DSG1: variants seen among roughly 807,000 people sequenced by gnomAD.
DSG1 encodes the protein desmoglein 1.
In DSG1, 39 loss-of-function variants were observed where a neutral mutation model predicts 97.5. That is an observed-to-expected ratio of 0.40 (90% CI 0.31 to 0.52). DSG1 has a LOEUF of 0.52. DSG1 is among the 20% of genes least tolerant of loss of function. The pLI, the probability that DSG1 is intolerant of heterozygous loss-of-function variation, is 0.53. For missense variants in DSG1, 1,311 were observed against 1,295.4 expected (o/e 1.01, Z -0.18); for synonymous variants, 475 against 443.4 (o/e 1.07, Z -0.90).
chr18:31,353,572 A>G (rs900250900), intron 14 of DSG1, among the ~76,000 whole-genome samples: 5,970 of 151,512 alleles, frequency 0.039, 398 homozygotes, highest in African/African-American at 0.14. Flanking sequence ...CCCCAGCCTC[A>G]CTGCCGCTTT....
intron 11 of DSG1, 61 bp downstream of exon 11, chr18:31,340,086 A>C (rs1425309212): frequency 6.7e-7 from 1 of 1,499,502 alleles, no homozygotes; most frequent in Non-Finnish European, 9.2e-7. Flanking sequence ...GGAGGAGTTA[A>C]GTTTTCTGAT....
chr18:31,346,891 G>A (rs993614886), intron 14 of DSG1, among the ~76,000 whole-genome samples: 10 of 152,078 alleles, frequency 6.6e-5, no homozygotes, highest in African/African-American at 2.4e-4. Flanking sequence ...ATGAGAGTGG[G>A]GTCAAGAGCC....
chr18:31,355,149 G>T lies in DSG1; in HGVS notation c.2953G>T (p.Gly985Cys), dbSNP rs1158803454. The T allele has an allele frequency of 1.3e-5, 21 of 1,610,430 alleles. No individual in the cohort carries two copies. The highest frequency in any genetic ancestry group is 1.0e-4 in the Admixed American group (6 of 59,904). Residue 985 changes from glycine (G) to cysteine (C), a missense_variant, in exon 15 of 15, where the codon GGT becomes TGT. This residue lies in a region of DSG1 where 1,038 missense variants were observed against 964.6 expected (regional missense o/e 1.08). Coordinates refer to ENST00000257192, the MANE Select transcript of DSG1 (RefSeq NM_001942.4). ...GSSGLVGTSM[G>C]AGSGALSGAG... Reference sequence around the variant, plus strand: ...CAGTGGCCTGGTTGGCACCAGCATGGGTGCTGGGAGCGGTGCCCTGAGTGG... The same window carrying T: ...CAGTGGCCTGGTTGGCACCAGCATGTGTGCTGGGAGCGGTGCCCTGAGTGG...
intron 6 of DSG1, among the ~76,000 whole-genome samples, chr18:31,332,579 A>G (rs1418014938): frequency 1.3e-5 from 2 of 152,148 alleles, no homozygotes; most frequent in Non-Finnish European, 2.9e-5. Flanking sequence ...TATTTAAAAA[A>G]AATTGTCTTT....
intron 1 of DSG1, among the ~76,000 whole-genome samples, chr18:31,320,834 C>A (rs770691278): frequency 6.6e-6 from 1 of 152,114 alleles, no homozygotes; most frequent in Non-Finnish European, 1.5e-5. Context: ...AGCATGGTCA[C>A]TGTGGGAAAG....
At chr18:31,329,216 G>A (rs756652876) in intron 4 of DSG1, among the ~76,000 whole-genome samples, 11 of 151,868 alleles carry the variant, frequency 7.2e-5, no homozygotes, top group Middle Eastern at 6.8e-3. Context: ...CTGGCTCCTT[G>A]GCTACTCCCA....
chr18:31,354,403 G>A lies in DSG1; in HGVS notation c.2207G>A (p.Cys736Tyr). Reference sequence around the variant, plus strand: ...TCCCCTGCTGGCTCTGTGGGTTGTTGTAGCTTCATTGGAGAAGACCTGGAT... The same window carrying A: ...TCCCCTGCTGGCTCTGTGGGTTGTTATAGCTTCATTGGAGAAGACCTGGAT... ...VGSPAGSVGC[C>Y]SFIGEDLDDS... Residue 736 changes from cysteine (C) to tyrosine (Y), a missense_variant, in exon 15 of 15, where the codon TGT becomes TAT. Cys to Tyr is a radical substitution (Grantham distance 194). Coordinates refer to ENST00000257192, the MANE Select transcript of DSG1 (RefSeq NM_001942.4). 1.9e-6 allele frequency: 3 copies of A among 1,614,200 alleles called. No individual in the cohort carries two copies. The South Asian group carries it at 3.3e-5, about 18-fold the overall frequency.
chr18:31,340,062 C>G (rs764076568), intron 11 of DSG1, 37 bp downstream of exon 11: 4 of 1,593,678 alleles, frequency 2.5e-6, no homozygotes, highest in Non-Finnish European at 3.4e-6. Context: ...ATGTGTCCCC[C>G]AAAAAATGCT....
At chr18:31,334,299 T>C in intron 8 of DSG1, 97 bp downstream of exon 8, 1 of 851,190 alleles carries the variant, frequency 1.2e-6, no homozygotes, top group Non-Finnish European at 1.9e-6. Flanking sequence ...AAACTTGGCT[T>C]AGTGAAAGAA....
Position 31,336,457 on chromosome 18 carries a change from C to T in DSG1, c.1109C>T (p.Ser370Phe), listed in dbSNP as rs1199483998. 9 of 1,613,936 alleles carry T rather than the reference C, an allele frequency of 5.6e-6. No individual in the cohort carries two copies. Among genetic ancestry groups the T allele is most frequent in the Non-Finnish European group, 7.6e-6 (9 of 1,179,928 alleles). ...SIMSQYKLKASAISVTVLNVI... is the reference protein window; with the variant it reads ...SIMSQYKLKAFAISVTVLNVI... ...ATGTCTCAATATAAACTGAAAGCAT[C>T]TGCAATTTCTGTGACTGTGTTAAAT... The change falls in exon 9 of 15, where the codon TCT becomes TTT. Residue 370 changes from serine to phenylalanine, a missense_variant. Transcript: ENST00000257192.
In DSG1 at chr18:31,334,141, G is replaced by A; in HGVS notation, c.944G>A (p.Gly315Glu). ...AVIFFISGNE[G>E]NWFEIEMNER... ...ATTTTCTTTATCTCTGGAAATGAAG[G>A]AAATTGGTTTGAGATAGAAATGAAT... Residue 315 changes from glycine (G) to glutamate (E), a missense_variant, in exon 8 of 15, where the codon GGA becomes GAA. This residue lies in a region of DSG1 where 1,038 missense variants were observed against 964.6 expected (regional missense o/e 1.08). Coordinates refer to ENST00000257192, the MANE Select transcript of DSG1 (RefSeq NM_001942.4). The A allele has an allele frequency of 1.2e-6, 2 of 1,610,182 alleles. No individual in the cohort carries two copies. The highest frequency in any genetic ancestry group is 1.7e-6 in the Non-Finnish European group (2 of 1,176,704).
At chr18:31,353,948 G>A (rs2071927646) in intron 14 of DSG1, 1 of 291,486 alleles carries the variant, frequency 3.4e-6, no homozygotes, top group Non-Finnish European at 6.6e-6. Context: ...GCTCACGCTG[G>A]GAGCTGTAGA....
chr18:31,357,962 A>G lies in DSG1; in HGVS notation c.*2616A>G, dbSNP rs970544086. ...TTATTTAAAGGCATGTCATTTTTCA[A>G]TGAAGAAGTTTTGGGCAGAACTTCA... On this transcript the variant is annotated 3_prime_UTR_variant, in exon 15 of 15. Coordinates refer to ENST00000257192, the MANE Select transcript of DSG1 (RefSeq NM_001942.4). Among the ~76,000 whole-genome samples, 4 of 152,142 alleles carry G rather than the reference A, an allele frequency of 2.6e-5. No individual in the cohort carries two copies. The South Asian group carries it at 8.3e-4, about 31-fold the overall frequency.
In DSG1 at chr18:31,339,921, A is replaced by C. The variant is rs16961689; in HGVS notation, c.1583A>C (p.Tyr528Ser). 133,495 of 1,613,950 alleles carry C rather than the reference A, an allele frequency of 0.083. 7,186 individuals carry two copies. The highest frequency in any genetic ancestry group is 0.2 in the South Asian group (17,995 of 91,074). The part of the protein sequence containing the change: ...STTSTDSSQV[Y>S]SSEPGNGAKD... ...ACTTCTACTGACTCTAGCCAAGTATATTCTTCTGAACCCGGAAACGGAGCC... is the reference window on the plus strand; with the variant it reads ...ACTTCTACTGACTCTAGCCAAGTATCTTCTTCTGAACCCGGAAACGGAGCC... The change falls in exon 11 of 15, where the codon TAT becomes TCT. Residue 528 changes from tyrosine to serine, a missense_variant. Transcript: ENST00000257192.
In DSG1 at chr18:31,336,369, G is replaced by A. The variant is rs759269723; in HGVS notation, c.1021G>A (p.Ala341Thr). Residue 341 changes from alanine (A) to threonine (T), a missense_variant, in exon 9 of 15, where the codon GCT becomes ACT. By Grantham distance (58) the Ala-to-Thr change is moderately conservative. Coordinates refer to ENST00000257192, the MANE Select transcript of DSG1 (RefSeq NM_001942.4). Reference sequence around the variant, plus strand: ...TATTTTCTAGCCCTTAGATTATGAAGCTATGCAGAGTCTGCAACTCAGTAT... The same window carrying A: ...TATTTTCTAGCCCTTAGATTATGAAACTATGCAGAGTCTGCAACTCAGTAT... ...LKVVKPLDYE[A>T]MQSLQLSIGV... is the part of the protein sequence containing the mutation. The A allele has an allele frequency of 5.0e-6, 8 of 1,613,392 alleles. No individual in the cohort carries two copies. Among genetic ancestry groups the A allele is most frequent in the Non-Finnish European group, 6.8e-6 (8 of 1,179,658 alleles).
rs960476508 is a variant in DSG1 at position 31,357,697 on chromosome 18, G to GA, written c.*2357dup. On this transcript the variant is annotated 3_prime_UTR_variant, in exon 15 of 15. Transcript: ENST00000257192. ...CACTGTTAAACGATGGGAAAAACAA[G>GA]AAAAAACATGGCCATTTGAGTCATT... Among the ~76,000 whole-genome samples, 5 of 151,822 alleles carry GA rather than the reference G, an allele frequency of 3.3e-5. No homozygotes were observed. The highest frequency in any genetic ancestry group is 4.4e-5 in the Non-Finnish European group (3 of 67,820).
intron 8 of DSG1, among the ~76,000 whole-genome samples, chr18:31,336,151 G>A (rs1053707636): frequency 2.6e-5 from 4 of 151,964 alleles, no homozygotes; most frequent in Admixed American, 1.3e-4. Context: ...ATGAATCTAG[G>A]GGAATTGAAT....
Position 31,343,961 on chromosome 18 carries a change from T to C in DSG1, c.1857T>C (p.Asp619=), listed in dbSNP as rs991277960. The part of the protein sequence containing the change: ...ITTVIPQIPP[D]NANIIECIDN... The stretch of plus-strand genomic sequence containing the variant: ...CTGTCATACCACAAATACCACCTGA[T>C]AACGCAAATATAATTGAATGCATTG... Residue 619 remains aspartate (D), a synonymous_variant, in exon 13 of 15, where the codon GAT becomes GAC. Coordinates refer to ENST00000257192, the MANE Select transcript of DSG1 (RefSeq NM_001942.4). 6.2e-7 allele frequency: 1 copy of C among 1,613,390 alleles called. No individual in the cohort carries two copies. The highest frequency in any genetic ancestry group is 8.5e-7 in the Non-Finnish European group (1 of 1,179,488).
At position 31,323,879 on chromosome 18, in the gene DSG1, C is replaced by T. The variant is rs1297461344; in HGVS notation, c.49-2702C>T. ...TCTCTTTCAACCCCATCTGTCTTTCCGTTTTCCTTTTCCTCTGACCTCCAT... is the reference window on the plus strand; with the variant it reads ...TCTCTTTCAACCCCATCTGTCTTTCTGTTTTCCTTTTCCTCTGACCTCCAT... On this transcript the variant is annotated intron_variant, in intron 1 of 14. Coordinates refer to ENST00000257192, the MANE Select transcript of DSG1 (RefSeq NM_001942.4). 2.0e-5 allele frequency among the ~76,000 whole-genome samples: 3 copies of T among 151,910 alleles called. No homozygotes were observed. In the South Asian group the frequency reaches 6.2e-4, roughly 32 times the overall value.
Sources: allele counts gnomAD v4.1 joint callset (sites outside exome capture counted in the v4.1 genomes callset), GRCh38; gene constraint gnomAD v4.1.1; regional missense constraint gnomAD v4.1.1; transcripts MANE v1.5; gene names NCBI Gene and HGNC (gene_info 2026-07-23, HGNC 2026-07-21).